The following ANKRD13C variants were observed in gnomAD, a reference collection of about 807,000 sequenced individuals.
ANKRD13C encodes the protein ankyrin repeat domain-containing protein 13C.
Under a neutral mutation model 65.5 loss-of-function variants are expected in ANKRD13C, and 16 were observed. That is an observed-to-expected ratio of 0.24 (90% CI 0.17 to 0.37). ANKRD13C has a LOEUF of 0.37. ANKRD13C is among the 10% of genes least tolerant of loss of function. ANKRD13C has a pLI of 1.00. For synonymous variants in ANKRD13C, 235 were observed against 238.7 expected, an observed-to-expected ratio of 0.98 and a Z score of 0.14; for missense variants, 503 against 655.9, an observed-to-expected ratio of 0.77 and a Z score of 2.55.
At position 70,260,221 on chromosome 1, in the gene ANKRD13C, T is replaced by A. The variant is rs1387684749; in HGVS notation, c.*2496A>T. On this transcript the variant is annotated 3_prime_UTR_variant, in exon 13 of 13. Coordinates refer to ENST00000370944, the MANE Select transcript of ANKRD13C (RefSeq NM_030816.5). ...CACAAAAATCAGGGCATCTACTTCATACTACCCTTTTATGAAGTTTGGCAA... is the reference window on the plus strand; with the variant it reads ...CACAAAAATCAGGGCATCTACTTCAAACTACCCTTTTATGAAGTTTGGCAA... Among the ~76,000 whole-genome samples the A allele has an allele frequency of 1.3e-5, 2 of 152,178 alleles. No individual in the cohort carries two copies. Among genetic ancestry groups the A allele is most frequent in the African/African-American group, 4.8e-5 (2 of 41,454 alleles).
At chr1:70,353,653 A>G (rs1223161745) in intron 1 of ANKRD13C, among the ~76,000 whole-genome samples, 1 of 152,186 alleles carries the variant, frequency 6.6e-6, no homozygotes, top group South Asian at 2.1e-4. Flanking sequence ...TAGCTCCATA[A>G]ACAAAGGGAG....
intron 12 of ANKRD13C, among the ~76,000 whole-genome samples, chr1:70,269,342 G>A (rs956862715): frequency 2.0e-5 from 3 of 152,078 alleles, no homozygotes; most frequent in African/African-American, 4.8e-5. Context: ...AAAAATAAAT[G>A]TATTGTGGGG....
chr1:70,273,396 T>C (rs1186102612), intron 11 of ANKRD13C, among the ~76,000 whole-genome samples: 1 of 152,220 alleles, frequency 6.6e-6, no homozygotes, highest in African/African-American at 2.4e-5. Context: ...ACTATAGTTG[T>C]ATCAGTCAGC....
chr1:70,272,594 T>C (rs940608896), intron 11 of ANKRD13C, among the ~76,000 whole-genome samples: 5 of 152,176 alleles, frequency 3.3e-5, no homozygotes, highest in African/African-American at 1.2e-4. Flanking sequence ...ATTCTTTTTT[T>C]TTTTCATGTA....
chr1:70,345,468 T>C (rs1413125422), intron 1 of ANKRD13C, among the ~76,000 whole-genome samples: 2 of 152,092 alleles, frequency 1.3e-5, no homozygotes, highest in African/African-American at 4.8e-5. Flanking sequence ...TCTAAAATCA[T>C]ATAAATAAGT....
At chr1:70,352,816 A>G (rs1682803896) in intron 1 of ANKRD13C, among the ~76,000 whole-genome samples, 1 of 152,196 alleles carries the variant, frequency 6.6e-6, no homozygotes, top group Admixed American at 6.5e-5. Flanking sequence ...TTTTTTGGGG[A>G]TTTATGATAA....
intron 10 of ANKRD13C, among the ~76,000 whole-genome samples, chr1:70,276,282 T>C (rs1053035623): frequency 2.6e-5 from 4 of 152,102 alleles, no homozygotes; most frequent in African/African-American, 9.7e-5. Flanking sequence ...AAAGGTCCTA[T>C]GGAAGGACAG....
At chr1:70,325,075 C>A in intron 2 of ANKRD13C, 118 bp from the exon 3 acceptor site, 1 of 630,122 alleles carries the variant, frequency 1.6e-6, no homozygotes. Flanking sequence ...AACATTGTAC[C>A]ATGTAGAATT....
rs1459401833 is a variant in ANKRD13C, at chr1:70,259,548, A to C, written c.*3169T>G. ...AAATGTGATTCTTAACATGTTATGA[A>C]ATTTTTAGGTGGCAACCAGAGTTAG... On this transcript the variant is annotated 3_prime_UTR_variant, in exon 13 of 13. Transcript: ENST00000370944. Among the ~76,000 whole-genome samples, 1 of 152,184 alleles carries C rather than the reference A, an allele frequency of 6.6e-6. No homozygotes were observed. The highest frequency in any genetic ancestry group is 2.4e-5 in the African/African-American group (1 of 41,450).
At chr1:70,314,717 CT>C (rs1680999889) in intron 4 of ANKRD13C, among the ~76,000 whole-genome samples, 1 of 150,272 alleles carries the variant, frequency 6.7e-6, no homozygotes, top group Non-Finnish European at 1.5e-5. Flanking sequence ...ATTTTTCTGG[CT>C]TTTTCTATAT....
At chr1:70,338,107 AAAAAG>A in intron 1 of ANKRD13C, among the ~76,000 whole-genome samples, 1 of 152,286 alleles carries the variant, frequency 6.6e-6, no homozygotes, top group Non-Finnish European at 1.5e-5. Context: ...CTCACAAAAA[AAAAAG>A]AAAAGCATCT....
At chr1:70,330,443 G>A (rs1296856656) in intron 2 of ANKRD13C, among the ~76,000 whole-genome samples, 4 of 150,970 alleles carry the variant, frequency 2.6e-5, no homozygotes, top group Admixed American at 6.6e-5. Context: ...CTGTAATCCC[G>A]GCTGCTCAGG....
chr1:70,346,496 G>A (rs941447237), intron 1 of ANKRD13C, among the ~76,000 whole-genome samples: 3 of 152,044 alleles, frequency 2.0e-5, no homozygotes, highest in East Asian at 1.9e-4. Flanking sequence ...AAATAGTTGC[G>A]ACTTTGTGCA....
intron 9 of ANKRD13C, among the ~76,000 whole-genome samples, chr1:70,287,156 A>G (rs1164803754): frequency 6.6e-6 from 1 of 152,112 alleles, no homozygotes; most frequent in East Asian, 1.9e-4. Context: ...TTAATAAAAT[A>G]TATGTAAGAT....
chr1:70,282,046 C>CAT (rs1373042166), intron 9 of ANKRD13C, among the ~76,000 whole-genome samples: 1 of 149,562 alleles, frequency 6.7e-6, no homozygotes, highest in East Asian at 2.0e-4. Context: ...GAAACTGGTA[C>CAT]ATATCATCTT....
At position 70,308,170 on chromosome 1, in the gene ANKRD13C, A is replaced by AT. The variant is rs538870316; in HGVS notation, c.710-1881dup. On this transcript the variant is annotated intron_variant, in intron 5 of 12. Coordinates refer to ENST00000370944, the MANE Select transcript of ANKRD13C (RefSeq NM_030816.5). ...CTTCATTATATCTCATTACTTATTT[A>AT]TTTTTTTAAAGACGGGGGTCTCCCT... Among the ~76,000 whole-genome samples the AT allele has an allele frequency of 2.6e-5, 4 of 152,092 alleles. No homozygotes were observed. In the South Asian group the frequency reaches 8.3e-4, roughly 32 times the overall value.
At chr1:70,329,151 T>TAG (rs958049127) in intron 2 of ANKRD13C, among the ~76,000 whole-genome samples, 17 of 151,948 alleles carry the variant, frequency 1.1e-4, no homozygotes, top group African/African-American at 3.6e-4. Context: ...AAAAAAAAAG[T>TAG]AGAGAGATGA....
chr1:70,335,006 C>T (rs1217773814), intron 2 of ANKRD13C, among the ~76,000 whole-genome samples: 1 of 151,986 alleles, frequency 6.6e-6, no homozygotes, highest in Non-Finnish European at 1.5e-5. Flanking sequence ...ATACATTATA[C>T]CATATAACAA....
At chr1:70,345,647 A>C (rs1250489290) in intron 1 of ANKRD13C, among the ~76,000 whole-genome samples, 1 of 152,160 alleles carries the variant, frequency 6.6e-6, no homozygotes, top group Non-Finnish European at 1.5e-5. Flanking sequence ...ATAGCAAAAA[A>C]ACCGTATTTG....
Sources: allele counts gnomAD v4.1 joint callset (sites outside exome capture counted in the v4.1 genomes callset), GRCh38; gene constraint gnomAD v4.1.1; transcripts MANE v1.5; gene names NCBI Gene and HGNC (gene_info 2026-07-23, HGNC 2026-07-21).